Variants in CSMD1 observed in about 807,000 individuals in gnomAD.
CSMD1 encodes CUB and Sushi multiple domains 1.
Under a neutral mutation model 417.5 loss-of-function variants are expected in CSMD1, and 213 were observed. The observed-to-expected ratio is 0.51, with a 90% CI of 0.46 to 0.57. CSMD1 has a LOEUF of 0.57. Ranked by LOEUF, CSMD1 falls within the 20% of genes least tolerant of loss-of-function variation. CSMD1 has a pLI of 0.00. For synonymous variants in CSMD1, 2,862 were observed against 1,736.8 expected, an observed-to-expected ratio of 1.65 and a Z score of -16.11; for missense variants, 6,923 against 4,529.7, an observed-to-expected ratio of 1.53 and a Z score of -15.17.
chr8:4,014,561 C>T (rs1052539660), intron 4 of CSMD1, among the ~76,000 whole-genome samples: 2 of 152,146 alleles, frequency 1.3e-5, no homozygotes, highest in Non-Finnish European at 2.9e-5. Context: ...TGGTATTAAG[C>T]ACCTGGATCA....
At position 3,929,371 on chromosome 8, in the gene CSMD1, G is replaced by A. The variant is rs116831285; in HGVS notation, c.818+68532C>T. ...TTAATACTAGACATTATTTGAAAAA[G>A]TTCGTGAATGTTCACAGCCAAGGGT... On this transcript the variant is annotated intron_variant, in intron 5 of 69. Coordinates refer to ENST00000635120, the MANE Select transcript of CSMD1 (RefSeq NM_033225.6). Among the ~76,000 whole-genome samples, 1,283 of 150,514 alleles carry A rather than the reference G, an allele frequency of 8.5e-3. 77 individuals are homozygous for A. Among genetic ancestry groups the A allele is most frequent in the African/African-American group, 0.03 (1,224 of 40,822 alleles).
chr8:3,813,786 A>G (rs1801218315), intron 5 of CSMD1, among the ~76,000 whole-genome samples: 2 of 152,154 alleles, frequency 1.3e-5, no homozygotes, highest in African/African-American at 4.8e-5. Flanking sequence ...ATCTCACTCT[A>G]TTAATGTCTT....
chr8:4,342,337 A>G (rs536071678), intron 3 of CSMD1, among the ~76,000 whole-genome samples: 111 of 152,278 alleles, frequency 7.3e-4, no homozygotes, highest in African/African-American at 2.6e-3. Flanking sequence ...GGTATTACAC[A>G]CACAGAAAAA....
In CSMD1 at chr8:2,949,395, T is replaced by TACGAAAGAAA. The variant is rs760689584; in HGVS notation, c.10315-10_10315-9insTTTCTTTCGT. On this transcript the variant is annotated splice_polypyrimidine_tract_variant and intron_variant, in intron 67 of 69. Transcript: ENST00000635120. ...TCAAGTCCAGATGACACCTGACACA[T>TACGAAAGAAA]AGGAAAGAAAAGAAAAGAAATAAAA... 5.5e-6 allele frequency: 4 copies of TACGAAAGAAA among 729,274 alleles called. No individual in the cohort carries two copies. Among genetic ancestry groups the TACGAAAGAAA allele is most frequent in the Admixed American group, 7.0e-5 (2 of 28,720 alleles). 45.2% of individuals were successfully genotyped at this position (729,274 alleles called of 1,614,324 possible).
At chr8:4,727,168 C>T (rs372189665) in intron 1 of CSMD1, among the ~76,000 whole-genome samples, 72 of 152,208 alleles carry the variant, frequency 4.7e-4, no homozygotes, top group African/African-American at 1.6e-3. Flanking sequence ...CCACCGTAGG[C>T]CAGTAGCTCT....
chr8:3,834,498 T>C (rs1481594049), intron 5 of CSMD1, among the ~76,000 whole-genome samples: 1 of 152,218 alleles, frequency 6.6e-6, no homozygotes, highest in Non-Finnish European at 1.5e-5. Context: ...ACCTCGGTAC[T>C]TAAGGGGAGA....
In CSMD1 at chr8:3,940,092, G is replaced by C. The variant is rs117630829; in HGVS notation, c.818+57811C>G. On this transcript the variant is annotated intron_variant, in intron 5 of 69. Transcript: ENST00000635120. Reference sequence around the variant, plus strand: ...TAAAATATAAAAACTTATAAATGCAGATACGCCTTACACATTTTCTTTTAT... The same window carrying C: ...TAAAATATAAAAACTTATAAATGCACATACGCCTTACACATTTTCTTTTAT... 2.6e-3 allele frequency among the ~76,000 whole-genome samples: 397 copies of C among 152,146 alleles called. 4 individuals carry two copies. The East Asian group carries it at 0.043, about 17-fold the overall frequency.
intron 3 of CSMD1, among the ~76,000 whole-genome samples, chr8:4,078,960 C>G (rs1004295405): frequency 9.6e-5 from 13 of 135,966 alleles, no homozygotes; most frequent in Non-Finnish European, 1.7e-4. Context: ...GAAAAGCTAT[C>G]TTCTCTTCAC....
intron 5 of CSMD1, among the ~76,000 whole-genome samples, chr8:3,874,732 C>T (rs1378227918): frequency 6.6e-6 from 1 of 152,028 alleles, no homozygotes; most frequent in East Asian, 1.9e-4. Flanking sequence ...CTGCTCTTGG[C>T]AATGGAGGTG....
intron 10 of CSMD1, among the ~76,000 whole-genome samples, chr8:3,551,596 A>ATTTT (rs1194152215): frequency 2.6e-5 from 3 of 113,444 alleles, no homozygotes; most frequent in African/African-American, 6.7e-5. Context: ...ATATATATAT[A>ATTTT]TTTTTTTTTT....
At chr8:4,851,858 T>C (rs1176185032) in intron 1 of CSMD1, among the ~76,000 whole-genome samples, 1 of 152,202 alleles carries the variant, frequency 6.6e-6, no homozygotes, top group East Asian at 1.9e-4. Flanking sequence ...TCACTAAAAT[T>C]AGATTTCAGA....
At position 3,484,551 on chromosome 8, in the gene CSMD1, C is replaced by G. The variant is rs570863385; in HGVS notation, c.1448+9072G>C. The stretch of plus-strand genomic sequence containing the variant: ...GGCAAAGAATCCTTAGAGTTGACAG[C>G]AAAAGCACTGGCCTTTATGGGAAAG... On this transcript the variant is annotated intron_variant, in intron 11 of 69. Transcript: ENST00000635120. Among the ~76,000 whole-genome samples, 8 of 152,292 alleles carry G rather than the reference C, an allele frequency of 5.3e-5. No homozygotes were observed. The East Asian group carries it at 1.5e-3, about 29-fold the overall frequency.
chr8:3,141,918 C>T (rs1049981015), intron 41 of CSMD1, among the ~76,000 whole-genome samples: 3 of 151,964 alleles, frequency 2.0e-5, no homozygotes, highest in Non-Finnish European at 4.4e-5. Context: ...CTGCCTCAGC[C>T]TCCCGAGTAG....
At chr8:3,342,102 G>C (rs939818236) in intron 23 of CSMD1, among the ~76,000 whole-genome samples, 3 of 152,108 alleles carry the variant, frequency 2.0e-5, no homozygotes, top group Non-Finnish European at 4.4e-5. Context: ...TAATTCATAG[G>C]CTTTCTATTT....
intron 3 of CSMD1, among the ~76,000 whole-genome samples, chr8:4,315,047 G>A (rs1449419815): frequency 6.6e-6 from 1 of 152,096 alleles, no homozygotes; most frequent in South Asian, 2.1e-4. Context: ...TGACTGCGTT[G>A]GCTTCCCACT....
intron 12 of CSMD1, among the ~76,000 whole-genome samples, chr8:3,448,370 G>A (rs1815455189): frequency 5.6e-5 from 1 of 17,998 alleles, no homozygotes; most frequent in Non-Finnish European, 9.8e-5. Context: ...AAGAAGGGAG[G>A]AAGGGAGGGG....
chr8:4,646,460 G>C (rs113186843), intron 1 of CSMD1, among the ~76,000 whole-genome samples: 2,651 of 152,186 alleles, frequency 0.017, 84 homozygotes, highest in African/African-American at 0.06. Flanking sequence ...CCTAAGTAGT[G>C]CATTTAAACT....
chr8:3,487,680 G>A (rs1039317702), intron 11 of CSMD1, among the ~76,000 whole-genome samples: 11 of 152,080 alleles, frequency 7.2e-5, no homozygotes, highest in Non-Finnish European at 1.5e-4. Context: ...TTCAAAGGAG[G>A]TGCCTACAAA....
chr8:3,658,541 G>A (rs964262760), intron 7 of CSMD1, among the ~76,000 whole-genome samples: 2 of 151,020 alleles, frequency 1.3e-5, no homozygotes, highest in South Asian at 4.2e-4. Flanking sequence ...CCAGCACTTT[G>A]GGAGGCCAAG....
Sources: allele counts gnomAD v4.1 joint callset (sites outside exome capture counted in the v4.1 genomes callset), GRCh38; gene constraint gnomAD v4.1.1; transcripts MANE v1.5; gene names NCBI Gene and HGNC (gene_info 2026-07-23, HGNC 2026-07-21).